SYDE2: variants seen among roughly 807,000 people sequenced by gnomAD.
The protein encoded by SYDE2 is rho GTPase-activating protein SYDE2.
In SYDE2, 76 loss-of-function variants were observed where a neutral mutation model predicts 91.5. The ratio of observed to expected loss-of-function variants is 0.83; its 90% CI spans 0.69 to 1.01. The LOEUF is 1.01. SYDE2 is among the 50% of genes least tolerant of loss of function. SYDE2 has a pLI of 0.00. For missense variants in SYDE2, 1,364 were observed against 1,367.7 expected, an observed-to-expected ratio of 1.00 and a Z score of 0.04; for synonymous variants, 513 against 506.4, an observed-to-expected ratio of 1.01 and a Z score of -0.18.
intron 6 of SYDE2, among the ~76,000 whole-genome samples, chr1:85,161,804 T>C (rs1657072939): frequency 6.6e-6 from 1 of 151,890 alleles, no homozygotes; most frequent in African/African-American, 2.4e-5. Context: ...GATTTATCCA[T>C]CTTTAAAGTG....
At chr1:85,199,634 C>T (rs977911187) in intron 1 of SYDE2, among the ~76,000 whole-genome samples, 1 of 151,732 alleles carries the variant, frequency 6.6e-6, no homozygotes, top group Non-Finnish European at 1.5e-5. Context: ...GTTTCTTTGT[C>T]GGGGGGAGGC....
At chr1:85,189,057 G>C (rs1357817545) in intron 2 of SYDE2, among the ~76,000 whole-genome samples, 1 of 152,148 alleles carries the variant, frequency 6.6e-6, no homozygotes, top group African/African-American at 2.4e-5. Flanking sequence ...GGGACTAAAA[G>C]AAGCACATCA....
At chr1:85,167,911 T>C (rs1267583890) in intron 5 of SYDE2, among the ~76,000 whole-genome samples, 3 of 152,000 alleles carry the variant, frequency 2.0e-5, no homozygotes, top group Non-Finnish European at 2.9e-5. Context: ...GTCAGGAGTT[T>C]GGGACCAGCC....
At chr1:85,164,063 T>C (rs555128680) in intron 6 of SYDE2, among the ~76,000 whole-genome samples, 1 of 152,326 alleles carries the variant, frequency 6.6e-6, no homozygotes, top group South Asian at 2.1e-4. Flanking sequence ...TTCTGCTTTA[T>C]ACCGGTTGAA....
At chr1:85,185,934 T>C (rs1327247688) in intron 2 of SYDE2, among the ~76,000 whole-genome samples, 1 of 152,160 alleles carries the variant, frequency 6.6e-6, no homozygotes, top group Non-Finnish European at 1.5e-5. Flanking sequence ...GGCTGTGGGT[T>C]TGTCATAGAG....
chr1:85,181,752 A>G (rs1657927711), intron 3 of SYDE2: 1 of 172,518 alleles, frequency 5.8e-6, no homozygotes, highest in Admixed American at 5.8e-5. Context: ...TAGTCTTAAT[A>G]TGTATCACAA....
rs774753378 is a variant in SYDE2, at chr1:85,200,642, G to A, written c.355C>T (p.Pro119Ser). ...TCCATCCTGCCTCCACGTGGCGGGG[G>A]CTCGTCCCAGTCCCGGTGCGCGCCG... is the stretch of plus-strand genomic sequence containing the variant. The part of the protein sequence containing the change: ...RCGAHRDWDE[P>S]PPRGGRMDGW... The change falls in exon 1 of 7, where the codon CCC (proline) becomes TCC (serine). Residue 119 changes from proline (P) to serine (S), a missense_variant. Physicochemically the swap from Pro to Ser is moderately conservative, Grantham distance 74 (BLOSUM62 -1). Coordinates refer to ENST00000341460, the MANE Select transcript of SYDE2 (RefSeq NM_032184.2). 17 of 1,542,820 alleles carry A rather than the reference G, an allele frequency of 1.1e-5. 1 individual carries two copies. Among genetic ancestry groups the A allele is most frequent in the Middle Eastern group, 3.6e-4 (2 of 5,626 alleles).
rs758644351 is a variant in SYDE2, at chr1:85,183,005, T to C, written c.1637A>G (p.Lys546Arg). The change falls in exon 3 of 7, where the codon AAG becomes AGG. Residue 546 changes from lysine (K) to arginine (R), a missense_variant. Lys to Arg is a conservative substitution (Grantham distance 26). Coordinates refer to ENST00000341460, the MANE Select transcript of SYDE2 (RefSeq NM_032184.2). The part of the protein sequence containing the change: ...LPEFSRKLSV[K>R]GTLNYINSPD... ...ACTGTTTATATAATTCAATGTTCCC[T>C]TAACGCTTAGCTTTCGGCTAAATTC... 6 of 1,613,240 alleles carry C rather than the reference T, an allele frequency of 3.7e-6. No individual in the cohort carries two copies. Among genetic ancestry groups the C allele is most frequent in the Non-Finnish European group, 5.1e-6 (6 of 1,179,714 alleles).
intron 3 of SYDE2, among the ~76,000 whole-genome samples, chr1:85,180,781 C>G (rs1473243156): frequency 6.6e-6 from 1 of 151,786 alleles, no homozygotes; most frequent in Non-Finnish European, 1.5e-5. Flanking sequence ...TCTATATATA[C>G]CTGCTCTTTC....
chr1:85,157,553 G>A lies in SYDE2; in HGVS notation c.*1197C>T, dbSNP rs1656910076. The A allele has an allele frequency of 6.6e-6, 1 of 152,082 alleles. No homozygotes were observed. Among genetic ancestry groups the A allele is most frequent in the African/African-American group, 2.4e-5 (1 of 41,430 alleles). The allele number at this position is 152,082 out of a possible 1,614,324, so 9.4% of individuals were successfully genotyped here. On this transcript the variant is annotated 3_prime_UTR_variant, in exon 7 of 7. Coordinates refer to ENST00000341460, the MANE Select transcript of SYDE2 (RefSeq NM_032184.2). ...GATTTATTAAATCTAAGTCACCAGT[G>A]CAGAAATCTGGGTACTTAATCCCTT...
intron 6 of SYDE2, 24 bp from the exon 7 acceptor site, chr1:85,159,273 T>C (rs1557738856): frequency 2.6e-6 from 2 of 771,430 alleles, no homozygotes; most frequent in Non-Finnish European, 4.8e-6. Flanking sequence ...ATAATTTTGC[T>C]TTAGTGACAG....
At position 85,165,126 on chromosome 1, in the gene SYDE2, C is replaced by T. The variant is rs527913146; in HGVS notation, c.2854-369G>A. 4.6e-4 allele frequency among the ~76,000 whole-genome samples: 70 copies of T among 152,122 alleles called. 2 individuals carry two copies. In the South Asian group the frequency reaches 0.014, roughly 31 times the overall value. ...GCGGGTGCCTACGATCCCGGCTACT[C>T]GGGAGGCTGAGATGGGAGAATCGCT... is the stretch of plus-strand genomic sequence containing the variant. On this transcript the variant is annotated intron_variant, in intron 5 of 6. Coordinates refer to ENST00000341460, the MANE Select transcript of SYDE2 (RefSeq NM_032184.2).
In SYDE2 at chr1:85,183,201, C is replaced by T; in HGVS notation, c.1442-1G>A. On this transcript the variant is annotated splice_acceptor_variant, in intron 2 of 6. Transcript: ENST00000341460. LOFTEE classifies it high-confidence loss of function. ...TTTGTAGCAGCCAGGATCCCAGAAC[C>T]TTAAAAGAAAGAAAGAAAAATACGT... 1 of 1,533,976 alleles carries T rather than the reference C, an allele frequency of 6.5e-7. No homozygotes were observed. Among genetic ancestry groups the T allele is most frequent in the Non-Finnish European group, 8.7e-7 (1 of 1,147,200 alleles).
intron 3 of SYDE2, 153 bp downstream of exon 3, chr1:85,181,945 T>C: frequency 4.8e-6 from 4 of 830,396 alleles, no homozygotes; most frequent in Non-Finnish European, 7.1e-6. Context: ...AAGTTAAAAA[T>C]TATACCCTAA....
At chr1:85,187,535 T>C (rs1412687383) in intron 2 of SYDE2, among the ~76,000 whole-genome samples, 1 of 150,254 alleles carries the variant, frequency 6.7e-6, no homozygotes, top group Non-Finnish European at 1.5e-5. Flanking sequence ...CAAAGGACTA[T>C]AAATCATGCT....
At position 85,186,108 on chromosome 1, in the gene SYDE2, G is replaced by T. The variant is rs1301618824; in HGVS notation, c.1442-2908C>A. On this transcript the variant is annotated intron_variant, in intron 2 of 6. Coordinates refer to ENST00000341460, the MANE Select transcript of SYDE2 (RefSeq NM_032184.2). ...TATGCTGGATTACATTTATTGATTTGCGTATATTGAACCAGCCTTGCATCC... is the reference window on the plus strand; with the variant it reads ...TATGCTGGATTACATTTATTGATTTTCGTATATTGAACCAGCCTTGCATCC... Among the ~76,000 whole-genome samples, 2 of 151,838 alleles carry T rather than the reference G, an allele frequency of 1.3e-5. 1 individual carries two copies. The highest frequency in any genetic ancestry group is 4.2e-4 in the South Asian group (2 of 4,784).
intron 1 of SYDE2, among the ~76,000 whole-genome samples, chr1:85,194,318 G>A (rs560826797): frequency 2.7e-5 from 4 of 150,418 alleles, no homozygotes; most frequent in Admixed American, 2.7e-4. Context: ...TATGAAATAT[G>A]TTATTCATAA....
intron 4 of SYDE2, among the ~76,000 whole-genome samples, chr1:85,171,773 GCA>G (rs1184624806): frequency 6.6e-6 from 1 of 152,136 alleles, no homozygotes; most frequent in African/African-American, 2.4e-5. Context: ...ACCTTGGCAA[GCA>G]CAGTTTCAGG....
At chr1:85,186,725 T>C (rs1658155826) in intron 2 of SYDE2, among the ~76,000 whole-genome samples, 1 of 151,894 alleles carries the variant, frequency 6.6e-6, no homozygotes, top group Non-Finnish European at 1.5e-5. Flanking sequence ...TCTACAACTA[T>C]CTGATCTTTG....
Sources: gnomAD v4.1 joint callset for allele counts (sites outside exome capture counted in the v4.1 genomes callset) on GRCh38, gnomAD v4.1.1 for gene constraint, MANE v1.5 for transcripts, NCBI Gene and HGNC (gene_info 2026-07-23, HGNC 2026-07-21) for gene names.